CNNM1: variants seen among roughly 807,000 people sequenced by gnomAD.
The protein encoded by CNNM1 is metal transporter CNNM1.
CNNM1 carries 44 observed loss-of-function variants against 78.8 expected under a neutral mutation model. The ratio of observed to expected loss-of-function variants is 0.56; its 90% confidence interval spans 0.44 to 0.72. The LOEUF (loss-of-function observed/expected upper bound fraction) is 0.72. CNNM1 is among the 30% of genes least tolerant of loss of function. The pLI, the probability that CNNM1 is intolerant of heterozygous loss-of-function variation, is 0.00. For missense variants in CNNM1, 1,101 were observed against 1,292.2 expected, an observed-to-expected ratio of 0.85 and a Z score of 2.27; for synonymous variants, 584 against 581.5, an observed-to-expected ratio of 1.00 and a Z score of -0.06.
In CNNM1 at chr10:99,329,725, C is replaced by A. The variant is rs1424373774; in HGVS notation, c.338C>A (p.Pro113Gln). The change falls in exon 1 of 11, where the codon CCG becomes CAG. Residue 113 changes from proline to glutamine, a missense_variant. Transcript: ENST00000356713. The part of the protein sequence containing the change: ...APRLVFIEEP[P>Q]GGGGVAPSAV... ...CGGCTCGTGTTCATCGAGGAGCCCCCGGGCGGTGGCGGCGTGGCCCCCAGC... is the reference window on the plus strand; with the variant it reads ...CGGCTCGTGTTCATCGAGGAGCCCCAGGGCGGTGGCGGCGTGGCCCCCAGC... The A allele has an allele frequency of 2.6e-6, 4 of 1,517,402 alleles. No homozygotes were observed. Among genetic ancestry groups the A allele is most frequent in the Middle Eastern group, 2.2e-4 (1 of 4,446 alleles). The allele number at this position is 1,517,402 out of a possible 1,614,324, so 94.0% of individuals were successfully genotyped here. A position where few individuals can be genotyped will look rare whatever the true frequency, so the allele number is the denominator to read the frequency against.
chr10:99,343,679 A>G (rs1416085975), intron 1 of CNNM1, among the ~76,000 whole-genome samples: 2 of 152,034 alleles, frequency 1.3e-5, no homozygotes, highest in African/African-American at 2.4e-5. Flanking sequence ...AGGTCACTAT[A>G]TCACTCTGAG....
In CNNM1 at chr10:99,388,222, C is replaced by T; in HGVS notation, c.2595C>T (p.Thr865=). The part of the protein sequence containing the change: ...VYLRMEELAF[T]QEEMTDFEEH... ...TGAGGATGGAGGAGCTGGCCTTCAC[C>T]CAGGAAGAAATGACTGACTTCGAGG... Residue 865 remains threonine, a synonymous_variant, in exon 9 of 11, where the codon ACC becomes ACT. Coordinates refer to ENST00000356713, the MANE Select transcript of CNNM1 (RefSeq NM_020348.3). The T allele has an allele frequency of 6.2e-7, 1 of 1,613,980 alleles. No individual in the cohort carries two copies.
chr10:99,387,396 C>T (rs888525392), intron 7 of CNNM1, among the ~76,000 whole-genome samples: 1 of 152,214 alleles, frequency 6.6e-6, no homozygotes, highest in Non-Finnish European at 1.5e-5. Context: ...TCCAGCTTCC[C>T]GACACTGAGA....
intron 2 of CNNM1, among the ~76,000 whole-genome samples, chr10:99,358,528 A>G (rs1443497128): frequency 6.6e-6 from 1 of 152,140 alleles, no homozygotes; most frequent in Non-Finnish European, 1.5e-5. Context: ...GCCTTTCAGA[A>G]ACTGGCTCCT....
rs2032480948 is a variant in CNNM1 at position 99,391,793 on chromosome 10, G to T, written c.*277G>T. 1.8e-5 allele frequency: 6 copies of T among 335,046 alleles called. No individual in the cohort carries two copies. Among genetic ancestry groups the T allele is most frequent in the Non-Finnish European group, 3.3e-5 (6 of 182,244 alleles). The allele number at this position is 335,046 out of a possible 1,614,324, so 20.8% of individuals were successfully genotyped here. On this transcript the variant is annotated 3_prime_UTR_variant, in exon 11 of 11. Coordinates refer to ENST00000356713, the MANE Select transcript of CNNM1 (RefSeq NM_020348.3). The stretch of plus-strand genomic sequence containing the variant: ...CAGCATAGTCTGGGACTGGAAAAGA[G>T]ATGTCTGACTGCAAGCTGACAATGC...
chr10:99,381,436 G>A (rs1355076064), intron 7 of CNNM1, among the ~76,000 whole-genome samples: 3 of 143,800 alleles, frequency 2.1e-5, no homozygotes, highest in Non-Finnish European at 3.0e-5. Flanking sequence ...GGAAAAAAAA[G>A]AGTGTTATTC....
chr10:99,345,703 A>G (rs2030659522), intron 1 of CNNM1, among the ~76,000 whole-genome samples: 2 of 152,190 alleles, frequency 1.3e-5, no homozygotes, highest in Non-Finnish European at 1.5e-5. Flanking sequence ...CCAGTTCTGT[A>G]TCTGAGAGGC....
intron 6 of CNNM1, among the ~76,000 whole-genome samples, chr10:99,366,475 TAA>T (rs879340914): frequency 1.0e-4 from 14 of 137,904 alleles, no homozygotes; most frequent in Admixed American, 2.9e-4. Context: ...CCTTCTTTCT[TAA>T]AAAAAAAAAA....
chr10:99,339,564 G>A (rs150432581), intron 1 of CNNM1, among the ~76,000 whole-genome samples: 2 of 152,314 alleles, frequency 1.3e-5, no homozygotes, highest in African/African-American at 2.4e-5. Flanking sequence ...GCATATGCAA[G>A]GAATCTAGGT....
At chr10:99,377,378 C>G (rs537491890) in intron 7 of CNNM1, 160 bp downstream of exon 7, 98 of 648,610 alleles carry the variant, frequency 1.5e-4, no homozygotes, top group African/African-American at 1.4e-3. Context: ...TGTATAAAGG[C>G]TGTTTTCAGT....
At chr10:99,362,521 C>A in intron 4 of CNNM1, 125 bp downstream of exon 4, 1 of 904,452 alleles carries the variant, frequency 1.1e-6, no homozygotes. Context: ...ACAAGGCCAG[C>A]TGGGTGGACA....
intron 6 of CNNM1, among the ~76,000 whole-genome samples, chr10:99,365,857 T>G: frequency 6.6e-6 from 1 of 152,210 alleles, no homozygotes. Context: ...TCCCAGAGCT[T>G]GATATCATAG....
At chr10:99,350,393 T>TA (rs984641048) in intron 1 of CNNM1, among the ~76,000 whole-genome samples, 143 of 152,332 alleles carry the variant, frequency 9.4e-4, no homozygotes, top group African/African-American at 3.3e-3. Context: ...TGGGAACAGT[T>TA]ACCAAAGTGC....
chr10:99,367,986 G>A (rs1055333424), intron 6 of CNNM1, among the ~76,000 whole-genome samples: 1 of 152,200 alleles, frequency 6.6e-6, no homozygotes, highest in Non-Finnish European at 1.5e-5. Context: ...TGGACCACTG[G>A]TACTTACCAC....
At chr10:99,349,776 G>A (rs867711423) in intron 1 of CNNM1, among the ~76,000 whole-genome samples, 10 of 152,304 alleles carry the variant, frequency 6.6e-5, no homozygotes, top group Admixed American at 2.6e-4. Context: ...TGAGGTGGGC[G>A]GATCATGAGG....
chr10:99,336,488 A>G (rs755000373), intron 1 of CNNM1, among the ~76,000 whole-genome samples: 1 of 152,222 alleles, frequency 6.6e-6, no homozygotes, highest in Non-Finnish European at 1.5e-5. Flanking sequence ...TAAGCAGTGC[A>G]TGACGATTTC....
rs927504791 is a variant in CNNM1 at position 99,359,023 on chromosome 10, A to T, written c.1717+1368A>T. On this transcript the variant is annotated intron_variant, in intron 2 of 10. Transcript: ENST00000356713. ...CTGTCTCAAAAAAAAAAAAAAAAAA[A>T]AAAAAAAAAAAAAAATCCCAGGTGT... Among the ~76,000 whole-genome samples, 208 of 150,626 alleles carry T rather than the reference A, an allele frequency of 1.4e-3. 1 individual carries two copies. Among genetic ancestry groups the T allele is most frequent in the Non-Finnish European group, 2.5e-3 (166 of 67,612 alleles).
chr10:99,338,382 G>A (rs988917440), intron 1 of CNNM1, among the ~76,000 whole-genome samples: 4 of 149,880 alleles, frequency 2.7e-5, no homozygotes, highest in African/African-American at 7.4e-5. Context: ...AGGTTCAAGC[G>A]ATTCTCCTGC....
chr10:99,386,957 T>C (rs994188969), intron 7 of CNNM1, among the ~76,000 whole-genome samples: 1 of 152,192 alleles, frequency 6.6e-6, no homozygotes, highest in African/African-American at 2.4e-5. Flanking sequence ...TATTATGCCA[T>C]GTACCATTTC....
Sources: gnomAD v4.1 joint callset for allele counts (sites outside exome capture counted in the v4.1 genomes callset) on GRCh38, gnomAD v4.1.1 for gene constraint, MANE v1.5 for transcripts, NCBI Gene and HGNC (gene_info 2026-07-23, HGNC 2026-07-21) for gene names.